ROBO2: variants seen among roughly 807,000 people sequenced by gnomAD.
ROBO2 encodes roundabout guidance receptor 2.
Under a neutral mutation model 160.8 loss-of-function variants are expected in ROBO2, and 53 were observed. That is an observed-to-expected ratio of 0.33 (90% CI 0.26 to 0.41). The LOEUF (loss-of-function observed/expected upper bound fraction) is 0.41, where lower values mean the gene tolerates loss of function less well. Ranked by LOEUF, ROBO2 falls within the 10% of genes least tolerant of loss-of-function variation. ROBO2 has a pLI of 1.00. For synonymous variants in ROBO2, 664 were observed against 611.7 expected (o/e 1.09, Z -1.26); for missense variants, 1,577 against 1,722.4 (o/e 0.92, Z 1.49).
intron 2 of ROBO2, among the ~76,000 whole-genome samples, chr3:77,428,118 A>G (rs1399304899): frequency 6.6e-6 from 1 of 152,152 alleles, no homozygotes; most frequent in Admixed American, 6.5e-5. Flanking sequence ...CATTGTAAAC[A>G]AATTTTTGAA....
chr3:76,227,410 T>C (rs1704355546), intron 2 of ROBO2, among the ~76,000 whole-genome samples: 1 of 152,194 alleles, frequency 6.6e-6, no homozygotes, highest in African/African-American at 2.4e-5. Context: ...TTTTTAAAAG[T>C]ATTTGTGATT....
intron 2 of ROBO2, among the ~76,000 whole-genome samples, chr3:77,277,861 T>C (rs891381214): frequency 6.6e-6 from 1 of 152,208 alleles, no homozygotes; most frequent in Non-Finnish European, 1.5e-5. Context: ...TTTCTGGTTC[T>C]AGATCCCTGA....
chr3:76,957,727 A>G (rs111885393), intron 2 of ROBO2, among the ~76,000 whole-genome samples: 30,830 of 151,678 alleles, frequency 0.2, 3,409 homozygotes, highest in South Asian at 0.31. Context: ...GCTACTCAGG[A>G]GGCTGAGGCA....
At chr3:77,231,363 CAAAAAAAAA>C (rs60535204) in intron 2 of ROBO2, among the ~76,000 whole-genome samples, 34 of 59,668 alleles carry the variant, frequency 5.7e-4, no homozygotes, top group Admixed American at 5.4e-3. Flanking sequence ...AGACTCCATC[CAAAAAAAAA>C]AAAAAAAAAA....
intron 21 of ROBO2, among the ~76,000 whole-genome samples, chr3:77,615,153 C>A (rs1209229149): frequency 1.3e-5 from 2 of 152,004 alleles, no homozygotes; most frequent in African/African-American, 4.8e-5. Flanking sequence ...TGACACATAA[C>A]TGTCCAAAAA....
At chr3:76,099,841 A>G (rs2069609051) in intron 2 of ROBO2, among the ~76,000 whole-genome samples, 1 of 152,230 alleles carries the variant, frequency 6.6e-6, no homozygotes, top group African/African-American at 2.4e-5. Flanking sequence ...CGGCAAGTGC[A>G]GAAATTACTT....
chr3:76,098,688 T>A (rs1411031171), intron 2 of ROBO2, among the ~76,000 whole-genome samples: 6 of 152,174 alleles, frequency 3.9e-5, no homozygotes, highest in Non-Finnish European at 4.4e-5. Flanking sequence ...TAGTTTTAAT[T>A]TAAGAAATAA....
intron 2 of ROBO2, among the ~76,000 whole-genome samples, chr3:76,088,644 G>T (rs1008739987): frequency 1.3e-5 from 2 of 152,028 alleles, no homozygotes; most frequent in Admixed American, 1.3e-4. Context: ...TATCTCAAGA[G>T]AAATTAAAAA....
At chr3:77,555,814 T>A (rs1325049408) in intron 8 of ROBO2, among the ~76,000 whole-genome samples, 1 of 151,952 alleles carries the variant, frequency 6.6e-6, no homozygotes. Flanking sequence ...TCATTTAACC[T>A]TTGACTTAAG....
At chr3:77,474,649 A>T (rs1290352635) in intron 2 of ROBO2, among the ~76,000 whole-genome samples, 2 of 126,920 alleles carry the variant, frequency 1.6e-5, no homozygotes, top group Non-Finnish European at 3.2e-5. Context: ...TAGAGGATTT[A>T]GGGGGAATAC....
chr3:76,189,918 T>C lies in ROBO2; in HGVS notation c.109+252316T>C, dbSNP rs1221891528. 3.3e-5 allele frequency among the ~76,000 whole-genome samples: 5 copies of C among 152,108 alleles called. No individual in the cohort carries two copies. The South Asian group carries it at 6.2e-4, about 19-fold the overall frequency. ...AGGCATACAAAGAATTTGCAGGAAA[T>C]ACATGCCTGTCTCCAGAGCTTCAGG... On this transcript the variant is annotated intron_variant, in intron 2 of 26. Coordinates refer to the ROBO2 transcript ENST00000487694.
chr3:76,967,143 G>C (rs951410014), intron 2 of ROBO2, among the ~76,000 whole-genome samples: 4 of 151,986 alleles, frequency 2.6e-5, no homozygotes, highest in African/African-American at 9.7e-5. Context: ...AGGTAAGGTA[G>C]CACATCCGGA....
At position 76,850,043 on chromosome 3, in the gene ROBO2, C is replaced by T. The variant is rs151092830; in HGVS notation, c.110-247971C>T. The stretch of plus-strand genomic sequence containing the variant: ...CTCTACTAAAAATATAAAACTTAGC[C>T]AGATGTGGTGGCACAGGCCTCTAGT... On this transcript the variant is annotated intron_variant, in intron 2 of 26. Transcript: ENST00000487694. Among the ~76,000 whole-genome samples, 586 of 152,098 alleles carry T rather than the reference C, an allele frequency of 3.9e-3. 3 individuals carry two copies. The highest frequency in any genetic ancestry group is 0.012 in the African/African-American group (512 of 41,478).
chr3:77,431,735 G>A (rs917133404), intron 2 of ROBO2, among the ~76,000 whole-genome samples: 1 of 152,122 alleles, frequency 6.6e-6, no homozygotes, highest in African/African-American at 2.4e-5. Context: ...GATGAAAAGG[G>A]GCAGACTGGT....
chr3:77,608,874 GTTTA>G (rs751732035), intron 21 of ROBO2, among the ~76,000 whole-genome samples: 27 of 151,456 alleles, frequency 1.8e-4, no homozygotes, highest in African/African-American at 5.8e-4. Context: ...TATAATGGTT[GTTTA>G]TTTATTATCT....
chr3:76,052,642 G>A (rs2067694834), intron 2 of ROBO2, among the ~76,000 whole-genome samples: 1 of 151,952 alleles, frequency 6.6e-6, no homozygotes, highest in African/African-American at 2.4e-5. Context: ...CAAAATATAA[G>A]AACCAGAAAT....
At chr3:76,567,632 T>TACAC (rs2084624514) in intron 2 of ROBO2, among the ~76,000 whole-genome samples, 1 of 79,118 alleles carries the variant, frequency 1.3e-5, no homozygotes, top group African/African-American at 4.5e-5. Flanking sequence ...TATATATATA[T>TACAC]ATATATATAT....
At chr3:77,312,961 T>A (rs559654658) in intron 2 of ROBO2, among the ~76,000 whole-genome samples, 14 of 152,360 alleles carry the variant, frequency 9.2e-5, no homozygotes, top group African/African-American at 3.1e-4. Flanking sequence ...ATGCTTAATT[T>A]CATAGCTGAC....
intron 2 of ROBO2, among the ~76,000 whole-genome samples, chr3:76,846,560 C>T (rs2068789335): frequency 6.6e-6 from 1 of 152,198 alleles, no homozygotes; most frequent in East Asian, 1.9e-4. Flanking sequence ...ACTATTAACA[C>T]TGATGGGTAC....
Sources: gnomAD v4.1 joint callset for allele counts (sites outside exome capture counted in the v4.1 genomes callset) on GRCh38, gnomAD v4.1.1 for gene constraint, MANE v1.5 for transcripts, NCBI Gene and HGNC (gene_info 2026-07-23, HGNC 2026-07-21) for gene names.